The following MGAT4C variants were observed in gnomAD, a reference collection of about 807,000 sequenced individuals.
MGAT4C encodes alpha-1,3-mannosyl-glycoprotein 4-beta-N-acetylglucosaminyltransferase C.
A neutral mutation model predicts 40.1 loss-of-function variants in MGAT4C; 19 were observed. The observed-to-expected ratio is 0.47, with a 90% CI of 0.33 to 0.70. The LOEUF (loss-of-function observed/expected upper bound fraction) is 0.70. MGAT4C is among the 30% of genes least tolerant of loss of function. MGAT4C has a pLI of 0.02. For missense variants in MGAT4C, 491 were observed against 563.2 expected, an observed-to-expected ratio of 0.87 and a Z score of 1.30; for synonymous variants, 181 against 187.1, an observed-to-expected ratio of 0.97 and a Z score of 0.27.
intron 1 of MGAT4C, among the ~76,000 whole-genome samples, chr12:86,765,307 G>C (rs988607725): frequency 2.0e-5 from 3 of 152,072 alleles, no homozygotes; most frequent in Non-Finnish European, 4.4e-5. Context: ...AAGAAGGGAA[G>C]TGTAGAGAAA....
rs756093335 is a variant in MGAT4C at position 85,976,342 on chromosome 12, T to C, written c.*2947A>G. On this transcript the variant is annotated 3_prime_UTR_variant, in exon 5 of 5. Transcript: ENST00000611864. The stretch of plus-strand genomic sequence containing the variant: ...AAAGTTCTTGCATTAACATATTTTA[T>C]GTATCTTTTATATTGACATTTGTGA... 3.3e-5 allele frequency: 5 copies of C among 151,102 alleles called. No homozygotes were observed. Among genetic ancestry groups the C allele is most frequent in the Admixed American group, 6.6e-5 (1 of 15,120 alleles). The allele number at this position is 151,102 out of a possible 1,614,324, so 9.4% of individuals were successfully genotyped here.
At position 85,972,870 on chromosome 12, in the gene MGAT4C, A is replaced by G. The variant is rs1883694138; in HGVS notation, c.*6419T>C. On this transcript the variant is annotated 3_prime_UTR_variant, in exon 5 of 5. Coordinates refer to ENST00000611864, the MANE Select transcript of MGAT4C (RefSeq NM_001351288.2). ...TACATACATATGTTTAAAAGTAGGG[A>G]AAATTTTATCAATTATTAAAGATGG... 6.6e-6 allele frequency: 1 copy of G among 151,008 alleles called. No homozygotes were observed. The highest frequency in any genetic ancestry group is 1.5e-5 in the Non-Finnish European group (1 of 67,146). 9.4% of individuals were successfully genotyped at this position (151,008 alleles called of 1,614,324 possible). A position where few individuals can be genotyped will look rare whatever the true frequency, so the allele number is the denominator to read the frequency against.
At chr12:86,420,872 T>C (rs569419539) in intron 3 of MGAT4C, among the ~76,000 whole-genome samples, 149 of 146,664 alleles carry the variant, frequency 1.0e-3, no homozygotes, top group African/African-American at 3.6e-3. Flanking sequence ...TGTATATATA[T>C]ACATACATGT....
chr12:86,609,671 G>C (rs1480604236), intron 2 of MGAT4C, among the ~76,000 whole-genome samples: 1 of 151,732 alleles, frequency 6.6e-6, no homozygotes, highest in African/African-American at 2.4e-5. Flanking sequence ...TTTACTTAAA[G>C]GAATGTCCAA....
chr12:86,183,207 G>C (rs1014022855), intron 1 of MGAT4C, among the ~76,000 whole-genome samples: 4 of 151,804 alleles, frequency 2.6e-5, no homozygotes, highest in Admixed American at 2.6e-4. Flanking sequence ...ATATTATTGT[G>C]TTTGTTTTTG....
At chr12:86,231,199 TAAG>T (rs2136015196) in intron 1 of MGAT4C, among the ~76,000 whole-genome samples, 1 of 152,310 alleles carries the variant, frequency 6.6e-6, no homozygotes, top group East Asian at 1.9e-4. Flanking sequence ...ATTATTTTCT[TAAG>T]AAGTGGCAGA....
At chr12:86,051,260 T>G (rs1323606252) in intron 1 of MGAT4C, among the ~76,000 whole-genome samples, 1 of 152,052 alleles carries the variant, frequency 6.6e-6, no homozygotes, top group Non-Finnish European at 1.5e-5. Context: ...GTGATGTACC[T>G]TTAAATATAA....
intron 2 of MGAT4C, among the ~76,000 whole-genome samples, chr12:86,031,350 T>C (rs1270103045): frequency 6.6e-6 from 1 of 151,794 alleles, no homozygotes; most frequent in Non-Finnish European, 1.5e-5. Flanking sequence ...ATTATTTCCG[T>C]CTCTGCTGCA....
At chr12:86,554,493 T>G (rs1191771771) in intron 2 of MGAT4C, among the ~76,000 whole-genome samples, 1 of 152,216 alleles carries the variant, frequency 6.6e-6, no homozygotes, top group African/African-American at 2.4e-5. Context: ...TGTGTATCCT[T>G]TTCACAAGAT....
chr12:86,605,961 A>T (rs2136467383), intron 2 of MGAT4C, among the ~76,000 whole-genome samples: 1 of 152,266 alleles, frequency 6.6e-6, no homozygotes, highest in South Asian at 2.1e-4. Flanking sequence ...CTCACTGTTC[A>T]GCATTGCTGG....
intron 4 of MGAT4C, among the ~76,000 whole-genome samples, chr12:86,262,567 T>C (rs1952682189): frequency 6.6e-6 from 1 of 152,092 alleles, no homozygotes; most frequent in African/African-American, 2.4e-5. Flanking sequence ...ACTTTTAAGA[T>C]GTTTGTATCT....
intron 1 of MGAT4C, among the ~76,000 whole-genome samples, chr12:86,834,856 C>A (rs1221839311): frequency 2.6e-5 from 4 of 151,888 alleles, no homozygotes; most frequent in Admixed American, 1.3e-4. Context: ...AAAACAAAAA[C>A]AAACTCAAAT....
At chr12:86,323,378 T>A (rs10858416) in intron 4 of MGAT4C, among the ~76,000 whole-genome samples, 135,015 of 151,496 alleles carry the variant, frequency 0.89, 60,379 homozygotes, top group East Asian at 1. Flanking sequence ...AGTGGTTAAT[T>A]TGGTAAAGTT....
chr12:86,661,677 T>C (rs1017081797), intron 2 of MGAT4C, among the ~76,000 whole-genome samples: 1 of 152,108 alleles, frequency 6.6e-6, no homozygotes, highest in African/African-American at 2.4e-5. Context: ...CTGGGCATGA[T>C]GCTCATGTCT....
At chr12:86,074,369 G>GATAA in intron 1 of MGAT4C, among the ~76,000 whole-genome samples, 1 of 150,044 alleles carries the variant, frequency 6.7e-6, no homozygotes, top group Non-Finnish European at 1.5e-5. Context: ...TAGATAGATA[G>GATAA]ATAGATATTC....
intron 2 of MGAT4C, among the ~76,000 whole-genome samples, chr12:86,484,621 A>T (rs1957987593): frequency 1.3e-5 from 2 of 152,128 alleles, no homozygotes; most frequent in African/African-American, 4.8e-5. Context: ...GATCCCCCAC[A>T]CTCAGAACAC....
chr12:86,237,010 TTA>T (rs201481874), intron 1 of MGAT4C, among the ~76,000 whole-genome samples: 11 of 149,892 alleles, frequency 7.3e-5, no homozygotes, highest in African/African-American at 1.5e-4. Flanking sequence ...ATGTTAATAT[TTA>T]TATATATATA....
At chr12:86,287,084 T>C (rs1209712110) in intron 4 of MGAT4C, among the ~76,000 whole-genome samples, 1 of 152,186 alleles carries the variant, frequency 6.6e-6, no homozygotes, top group African/African-American at 2.4e-5. Flanking sequence ...GAGTGAGTTA[T>C]ATTCCTTTGG....
intron 2 of MGAT4C, among the ~76,000 whole-genome samples, chr12:86,046,127 A>G (rs754406383): frequency 3.3e-5 from 5 of 152,202 alleles, no homozygotes; most frequent in Non-Finnish European, 4.4e-5. Flanking sequence ...CCTTGTTTCC[A>G]TGTTGAGAAC....
Sources: gnomAD v4.1 joint callset for allele counts (sites outside exome capture counted in the v4.1 genomes callset) on GRCh38, gnomAD v4.1.1 for gene constraint, MANE v1.5 for transcripts, NCBI Gene and HGNC (gene_info 2026-07-23, HGNC 2026-07-21) for gene names.